The following TRAFD1 variants were observed in gnomAD, a reference collection of about 807,000 sequenced individuals.
The protein encoded by TRAFD1 is TRAF-type zinc finger domain-containing protein 1.
Under a neutral mutation model 65.3 loss-of-function variants are expected in TRAFD1, and 38 were observed. The observed-to-expected ratio is 0.58, with a 90% CI of 0.45 to 0.76. The LOEUF is 0.76. Ranked by LOEUF, TRAFD1 falls within the 30% of genes least tolerant of loss-of-function variation. The probability of loss-of-function intolerance (pLI) is 0.00; values close to 1 mark genes in which losing one functional copy is unlikely to be tolerated. For missense variants in TRAFD1, 631 were observed against 712.6 expected (o/e 0.89, Z 1.30); for synonymous variants, 223 against 257.2 (o/e 0.87, Z 1.27).
rs767223063 is a variant in TRAFD1 at position 112,134,797 on chromosome 12, T to C, written c.107T>C (p.Ile36Thr). ...CATGAGATCCACTGTCAAAGGAACA[T>C]TGGTATGTGTCCTACCTGTAAGGAA... ...TIHEIHCQRN[I>T]GMCPTCKEPF... is the part of the protein sequence containing the mutation. The change falls in exon 3 of 12, where the codon ATT becomes ACT. Residue 36 changes from isoleucine to threonine, a missense_variant. Ile to Thr is a moderately conservative substitution (Grantham distance 89, BLOSUM62 -1). Transcript: ENST00000412615. The C allele has an allele frequency of 3.1e-6, 5 of 1,613,674 alleles. No individual in the cohort carries two copies. The highest frequency in any genetic ancestry group is 1.1e-5 in the South Asian group (1 of 91,082).
intron 2 of TRAFD1, among the ~76,000 whole-genome samples, chr12:112,133,853 C>T (rs1267445106): frequency 1.4e-5 from 2 of 146,736 alleles, no homozygotes; most frequent in African/African-American, 2.5e-5. Flanking sequence ...TACAGGTACC[C>T]GCCACCACAC....
chr12:112,143,291 G>C (rs1016286108), intron 6 of TRAFD1, among the ~76,000 whole-genome samples: 2 of 152,192 alleles, frequency 1.3e-5, no homozygotes, highest in Non-Finnish European at 2.9e-5. Context: ...GTATTAGCCA[G>C]GATTGTCTCG....
chr12:112,152,085 C>T lies in TRAFD1; in HGVS notation c.1564C>T (p.Pro522Ser). The change falls in exon 10 of 12, where the codon CCA becomes TCA. Residue 522 changes from proline (P) to serine (S), a missense_variant. By Grantham distance (74) the Pro-to-Ser change is moderately conservative. Transcript: ENST00000412615. This position sits in a 1 kb window ranked among gnomAD's most constrained non-coding sequence, Gnocchi z 5.0. ...SVIRPPQNLY[P>S]ENIVPSFSPG... The stretch of plus-strand genomic sequence containing the variant: ...GATTCGCCCTCCTCAAAATCTCTAC[C>T]CAGAAAACATTGTGCCCTCTTTCTC... 1 of 1,614,090 alleles carries T rather than the reference C, an allele frequency of 6.2e-7. No homozygotes were observed. The highest frequency in any genetic ancestry group is 8.5e-7 in the Non-Finnish European group (1 of 1,179,944).
intron 9 of TRAFD1, among the ~76,000 whole-genome samples, chr12:112,150,675 C>T (rs1006927627): frequency 2.6e-5 from 4 of 151,870 alleles, no homozygotes; most frequent in African/African-American, 9.7e-5. Flanking sequence ...TCTTAGCCTC[C>T]TGAGTAGCTG....
intron 1 of TRAFD1, among the ~76,000 whole-genome samples, chr12:112,127,671 T>G (rs2079547028): frequency 6.6e-6 from 1 of 151,042 alleles, no homozygotes; most frequent in South Asian, 2.1e-4. Context: ...CTTTTTTGTT[T>G]TTTGTTTTTT....
At chr12:112,140,275 G>A (rs2030048325) in intron 4 of TRAFD1, 1 of 175,800 alleles carries the variant, frequency 5.7e-6, no homozygotes, top group Admixed American at 6.0e-5. Context: ...AAAAAATTAA[G>A]TGGGTGTGGT....
intron 6 of TRAFD1, among the ~76,000 whole-genome samples, chr12:112,144,244 G>A (rs970739136): frequency 6.6e-5 from 10 of 151,274 alleles, no homozygotes; most frequent in African/African-American, 2.4e-4. Context: ...ACCATTAGGG[G>A]TAACTTTAAG....
rs766875019 is a variant in TRAFD1 at position 112,152,741 on chromosome 12, C to A, written c.1699C>A (p.Pro567Thr). The change falls in exon 12 of 12, where the codon CCT becomes ACT. Residue 567 changes from proline (P) to threonine (T), a missense_variant. Physicochemically the swap from Pro to Thr is conservative, Grantham distance 38 (BLOSUM62 -1). Transcript: ENST00000412615. The surrounding 1 kb of genome is among the most constrained non-coding windows in gnomAD (Gnocchi z 5.0). ...NYRSRTAKAK[P>T]SKQQGAGDAE... The stretch of plus-strand genomic sequence containing the variant: ...GTGTTGTGTTGTTCACCAGGCAAAG[C>A]CTTCCAAGCAACAGGGAGCTGGGGA... 2 of 1,614,054 alleles carry A rather than the reference C, an allele frequency of 1.2e-6. No homozygotes were observed. Among genetic ancestry groups the A allele is most frequent in the Non-Finnish European group, 8.5e-7 (1 of 1,180,054 alleles).
At position 112,142,271 on chromosome 12, in the gene TRAFD1, C is replaced by A; in HGVS notation, c.826C>A (p.Pro276Thr). 1 of 1,613,570 alleles carries A rather than the reference C, an allele frequency of 6.2e-7. No individual in the cohort carries two copies. Among genetic ancestry groups the A allele is most frequent in the South Asian group, 1.1e-5 (1 of 91,044 alleles). Residue 276 changes from proline to threonine, a missense_variant, in exon 6 of 12, where the codon CCC becomes ACC. Physicochemically the swap from Pro to Thr is conservative, Grantham distance 38. Coordinates refer to ENST00000412615, the MANE Select transcript of TRAFD1 (RefSeq NM_006700.3). ...VCEADQSHGGPRSLSDIKGAA... is the reference protein window; with the variant it reads ...VCEADQSHGGTRSLSDIKGAA... Reference sequence around the variant, plus strand: ...TGAGGCCGACCAGTCTCATGGCGGTCCCAGGTCTCTCAGTGACATAAAGGG... The same window carrying A: ...TGAGGCCGACCAGTCTCATGGCGGTACCAGGTCTCTCAGTGACATAAAGGG...
Position 112,152,187 on chromosome 12 carries a change from A to C in TRAFD1, c.1619+47A>C. 1 of 1,568,110 alleles carries C rather than the reference A, an allele frequency of 6.4e-7. No individual in the cohort carries two copies. Among genetic ancestry groups the C allele is most frequent in the South Asian group, 1.2e-5 (1 of 85,268 alleles). On this transcript the variant is annotated intron_variant, in intron 10 of 11. Coordinates refer to ENST00000412615, the MANE Select transcript of TRAFD1 (RefSeq NM_006700.3). This position sits in a 1 kb window ranked among gnomAD's most constrained non-coding sequence, Gnocchi z 5.0. ...ATGGGGCTTGGGAGTAGCTGAAGCG[A>C]ACATGGGCAAAGGCCTGGTTACCCT...
At chr12:112,135,180 A>C in intron 4 of TRAFD1, 114 bp downstream of exon 4, 1 of 1,228,056 alleles carries the variant, frequency 8.1e-7, no homozygotes, top group South Asian at 1.3e-5. Context: ...TCACATGCAT[A>C]CTGTTTCTCA....
chr12:112,126,959 T>C (rs960912089), intron 1 of TRAFD1, among the ~76,000 whole-genome samples: 2 of 152,196 alleles, frequency 1.3e-5, no homozygotes, highest in African/African-American at 4.8e-5. Flanking sequence ...CAGCCCAGAA[T>C]GGGTGTCTTG....
In TRAFD1 at chr12:112,134,839, A is replaced by G; in HGVS notation, c.149A>G (p.Asp50Gly). The part of the protein sequence containing the change: ...PTCKEPFPKS[D>G]METHMAAEHC... ...TGTAAGGAACCATTTCCCAAATCTG[A>G]CATGGAGACTCACATGGCTGCAGAA... Residue 50 changes from aspartate to glycine, a missense_variant, in exon 3 of 12, where the codon GAC becomes GGC. Transcript: ENST00000412615. 1 of 1,613,708 alleles carries G rather than the reference A, an allele frequency of 6.2e-7. No individual in the cohort carries two copies. The highest frequency in any genetic ancestry group is 8.5e-7 in the Non-Finnish European group (1 of 1,179,578).
At chr12:112,129,195 T>A (rs1464016613) in intron 1 of TRAFD1, among the ~76,000 whole-genome samples, 2 of 68,520 alleles carry the variant, frequency 2.9e-5, no homozygotes, top group South Asian at 4.6e-4. Context: ...GGATGGTGAT[T>A]TTTTTTTTTT....
chr12:112,132,702 T>C (rs1416376346), intron 2 of TRAFD1, among the ~76,000 whole-genome samples: 2 of 152,220 alleles, frequency 1.3e-5, no homozygotes, highest in Non-Finnish European at 2.9e-5. Context: ...ACTTCCTTGG[T>C]GTCTTGGTCT....
intron 1 of TRAFD1, 122 bp downstream of exon 1, chr12:112,125,740 A>G (rs1252427435): frequency 6.6e-6 from 1 of 152,216 alleles, no homozygotes; most frequent in Non-Finnish European, 1.5e-5. Flanking sequence ...CGCGGCTGTG[A>G]GGAGAGGATG....
At chr12:112,145,440 G>T in intron 6 of TRAFD1, 146 bp from the exon 7 acceptor site, 1 of 734,784 alleles carries the variant, frequency 1.4e-6, no homozygotes. Context: ...GGTTCCCTCT[G>T]AGAATATACA....
rs1218184134 is a variant in TRAFD1, at chr12:112,148,154, CA to C, written c.1009del (p.Ile337SerfsTer14). Reference sequence around the variant, plus strand: ...CCAGAGGGGTGGAGGAACCTGATGTCATCTTCCAGAACTTCTTGCAACAGGC... The same window carrying C: ...CCAGAGGGGTGGAGGAACCTGATGTCTCTTCCAGAACTTCTTGCAACAGGC... The part of the protein sequence containing the change: ...SPRGVEEPDV[I>X]FQNFLQQAAS... On this transcript the variant is annotated frameshift_variant, in exon 8 of 12. Transcript: ENST00000412615. LOFTEE classifies it high-confidence loss of function. The C allele has an allele frequency of 6.2e-7, 1 of 1,614,224 alleles. No homozygotes were observed. The highest frequency in any genetic ancestry group is 1.1e-5 in the South Asian group (1 of 91,076).
chr12:112,128,820 C>G (rs2079553233), intron 1 of TRAFD1, among the ~76,000 whole-genome samples: 1 of 151,970 alleles, frequency 6.6e-6, no homozygotes, highest in African/African-American at 2.4e-5. Context: ...GCTGGTGGAT[C>G]ATATGAGGTC....
Sources: allele counts gnomAD v4.1 joint callset (sites outside exome capture counted in the v4.1 genomes callset), GRCh38; gene constraint gnomAD v4.1.1; non-coding constraint Gnocchi (gnomAD v3.1); transcripts MANE v1.5; gene names NCBI Gene and HGNC (gene_info 2026-07-23, HGNC 2026-07-21).